The following BABAM2 variants were observed in gnomAD, a reference collection of about 807,000 sequenced individuals.
BABAM2 encodes BRISC and BRCA1-A complex member 2.
A neutral mutation model predicts 54.7 loss-of-function variants in BABAM2; 31 were observed. The observed-to-expected ratio is 0.57, with a 90% CI of 0.43 to 0.77. BABAM2 has a LOEUF of 0.77. Ranked by LOEUF, BABAM2 falls within the 30% of genes least tolerant of loss-of-function variation. The pLI is 0.00. For missense variants in BABAM2, 364 were observed against 455.8 expected (o/e 0.80, Z 1.83); for synonymous variants, 167 against 162.9 (o/e 1.03, Z -0.19).
intron 4 of BABAM2, among the ~76,000 whole-genome samples, chr2:27,991,549 A>G (rs1186875647): frequency 1.3e-5 from 2 of 152,132 alleles, no homozygotes; most frequent in African/African-American, 4.8e-5. Context: ...TCACTTCCCT[A>G]TATTCCCACC....
chr2:28,324,149 C>T (rs982369656), intron 11 of BABAM2, among the ~76,000 whole-genome samples: 2 of 151,962 alleles, frequency 1.3e-5, no homozygotes, highest in Non-Finnish European at 2.9e-5. Flanking sequence ...AAGTAGCCCT[C>T]GAAATTCATT....
chr2:27,925,632 T>C (rs1387298116), intron 2 of BABAM2, among the ~76,000 whole-genome samples: 1 of 152,152 alleles, frequency 6.6e-6, no homozygotes, highest in Non-Finnish European at 1.5e-5. Context: ...TAGCCAGCTA[T>C]GTAGCGATGT....
At chr2:27,963,458 AG>A (rs2148434636) in intron 3 of BABAM2, among the ~76,000 whole-genome samples, 1 of 146,832 alleles carries the variant, frequency 6.8e-6, no homozygotes, top group South Asian at 2.2e-4. Flanking sequence ...TGACAGAGAA[AG>A]ACTCTTTCTC....
At chr2:28,056,770 T>C (rs1472669430) in intron 6 of BABAM2, among the ~76,000 whole-genome samples, 1 of 152,234 alleles carries the variant, frequency 6.6e-6, no homozygotes, top group African/African-American at 2.4e-5. Flanking sequence ...AAATGCAAAG[T>C]ACACTAATAC....
intron 4 of BABAM2, among the ~76,000 whole-genome samples, 179 bp from the exon 5 acceptor site, chr2:28,025,047 A>T (rs1457911772): frequency 3.9e-5 from 6 of 152,162 alleles, no homozygotes; most frequent in Non-Finnish European, 7.3e-5. Flanking sequence ...AAGGCAGGAG[A>T]AATTGCCAAT....
intron 3 of BABAM2, among the ~76,000 whole-genome samples, chr2:27,957,037 G>C (rs1439943713): frequency 6.6e-6 from 1 of 152,136 alleles, no homozygotes; most frequent in Non-Finnish European, 1.5e-5. Context: ...CATGACTAAG[G>C]AATGAATGCT....
intron 11 of BABAM2, among the ~76,000 whole-genome samples, chr2:28,318,928 C>T (rs1689794335): frequency 6.6e-6 from 1 of 152,170 alleles, no homozygotes; most frequent in African/African-American, 2.4e-5. Flanking sequence ...TAGGGCTGCC[C>T]AAACTCCACC....
chr2:27,948,003 G>A (rs1263550232), intron 3 of BABAM2, among the ~76,000 whole-genome samples: 1 of 152,016 alleles, frequency 6.6e-6, no homozygotes, highest in Non-Finnish European at 1.5e-5. Context: ...TTGATAGTAA[G>A]TTTGGAAATC....
At chr2:28,002,994 G>T (rs11692105) in intron 4 of BABAM2, among the ~76,000 whole-genome samples, 23,637 of 151,988 alleles carry the variant, frequency 0.16, 2,523 homozygotes, top group Non-Finnish European at 0.23. Flanking sequence ...GCTAAAGAGG[G>T]TATAAAATTA....
Position 28,333,470 on chromosome 2 carries a change from C to T in BABAM2, c.1089-4980C>T, listed in dbSNP as rs558767749. Among the ~76,000 whole-genome samples, 20 of 152,334 alleles carry T rather than the reference C, an allele frequency of 1.3e-4. No individual in the cohort carries two copies. The South Asian group carries it at 3.9e-3, about 30-fold the overall frequency. On this transcript the variant is annotated intron_variant, in intron 11 of 11. Transcript: ENST00000379624. ...AAAGTAGACCCCCTGACTCCTGATT[C>T]AGTTCCCTCCACCATGCCATGCCTG...
intron 3 of BABAM2, among the ~76,000 whole-genome samples, chr2:27,954,752 A>G (rs1669969862): frequency 1.3e-5 from 2 of 152,232 alleles, no homozygotes; most frequent in African/African-American, 2.4e-5. Context: ...TATTAATGTT[A>G]AAAACAATTT....
intron 5 of BABAM2, among the ~76,000 whole-genome samples, chr2:28,029,013 C>T (rs763602085): frequency 2.2e-4 from 34 of 152,118 alleles, no homozygotes; most frequent in Admixed American, 2.0e-3. Flanking sequence ...GTGATCTACC[C>T]GCCTTGGCCT....
At chr2:28,283,432 G>T (rs898693135) in intron 10 of BABAM2, among the ~76,000 whole-genome samples, 1 of 152,222 alleles carries the variant, frequency 6.6e-6, no homozygotes, top group African/African-American at 2.4e-5. Context: ...ATAGCCAGAG[G>T]AAGTAACTCA....
intron 4 of BABAM2, among the ~76,000 whole-genome samples, chr2:27,996,866 C>T (rs1156630319): frequency 3.9e-5 from 6 of 152,170 alleles, no homozygotes; most frequent in Non-Finnish European, 5.9e-5. Flanking sequence ...TAGCAAATGC[C>T]TTCAAATAGA....
At chr2:28,154,917 T>A (rs1040775472) in intron 7 of BABAM2, among the ~76,000 whole-genome samples, 1 of 152,212 alleles carries the variant, frequency 6.6e-6, no homozygotes, top group African/African-American at 2.4e-5. Flanking sequence ...ACTTTATAGT[T>A]GAGAATCAGT....
At chr2:28,009,743 T>C (rs1181980986) in intron 4 of BABAM2, among the ~76,000 whole-genome samples, 1 of 152,034 alleles carries the variant, frequency 6.6e-6, no homozygotes, top group Non-Finnish European at 1.5e-5. Flanking sequence ...ACAATAATCA[T>C]TGTGTATTGC....
chr2:28,218,305 C>T (rs116721270), intron 7 of BABAM2, among the ~76,000 whole-genome samples: 1 of 152,190 alleles, frequency 6.6e-6, no homozygotes, highest in Non-Finnish European at 1.5e-5. Context: ...ATCCACAGTC[C>T]ATATTCTAAT....
At chr2:28,194,790 C>T (rs1470868991) in intron 7 of BABAM2, among the ~76,000 whole-genome samples, 1 of 152,044 alleles carries the variant, frequency 6.6e-6, no homozygotes, top group Non-Finnish European at 1.5e-5. Context: ...GAACTCCTAA[C>T]CTCAGGTGAT....
intron 4 of BABAM2, among the ~76,000 whole-genome samples, chr2:27,998,087 A>C (rs62140391): frequency 0.21 from 31,427 of 152,076 alleles, 4,317 homozygotes; most frequent in Non-Finnish European, 0.31. Context: ...TGGGAGGTGG[A>C]GGTTGCAGTG....
Sources: gnomAD v4.1 joint callset for allele counts (sites outside exome capture counted in the v4.1 genomes callset) on GRCh38, gnomAD v4.1.1 for gene constraint, MANE v1.5 for transcripts, NCBI Gene and HGNC (gene_info 2026-07-23, HGNC 2026-07-21) for gene names.